The following LAMC1 variants were observed in gnomAD, a reference collection of about 807,000 sequenced individuals.
LAMC1 encodes the protein laminin subunit gamma 1, also known as laminin subunit gamma-1.
In LAMC1, 38 loss-of-function variants were observed where a neutral mutation model predicts 173.6. The observed-to-expected ratio is 0.22, with a 90% CI of 0.17 to 0.29. The LOEUF (loss-of-function observed/expected upper bound fraction) is 0.29. Ranked by LOEUF, LAMC1 falls within the 10% of genes least tolerant of loss-of-function variation. The pLI is 1.00. For missense variants in LAMC1, 1,824 were observed against 2,051.8 expected (o/e 0.89, Z 2.14); for synonymous variants, 746 against 749.1 (o/e 1.00, Z 0.07).
intron 1 of LAMC1, among the ~76,000 whole-genome samples, chr1:183,062,704 C>T (rs1654772186): frequency 6.6e-6 from 1 of 152,066 alleles, no homozygotes; most frequent in African/African-American, 2.4e-5. Flanking sequence ...GTAATCCTAG[C>T]ACTTTGGGAG....
intron 1 of LAMC1, among the ~76,000 whole-genome samples, chr1:183,102,619 T>C (rs1279173068): frequency 6.6e-6 from 1 of 152,242 alleles, no homozygotes; most frequent in Non-Finnish European, 1.5e-5. Flanking sequence ...GACTGCTGTC[T>C]TTTCCTCTCT....
At chr1:183,058,195 G>T (rs1392324576) in intron 1 of LAMC1, among the ~76,000 whole-genome samples, 1 of 152,178 alleles carries the variant, frequency 6.6e-6, no homozygotes, top group Non-Finnish European at 1.5e-5. Flanking sequence ...GGCAATTTAA[G>T]GATTTTATCT....
At position 183,103,440 on chromosome 1, in the gene LAMC1, C is replaced by T. The variant is rs750076949; in HGVS notation, c.531C>T (p.Tyr177=). The T allele has an allele frequency of 1.2e-5, 20 of 1,614,164 alleles. No individual in the cohort carries two copies. In the South Asian group the frequency reaches 2.0e-4, roughly 16 times the overall value. The change falls in exon 2 of 28, where the codon TAC becomes TAT. Residue 177 remains tyrosine (Y), a synonymous_variant. Coordinates refer to ENST00000258341, the MANE Select transcript of LAMC1 (RefSeq NM_002293.4). The part of the protein sequence containing the change: ...REDGPWIPYQ[Y]YSGSCENTYS... ...ACGGGCCCTGGATTCCTTACCAGTA[C>T]TACAGTGGTTCCTGTGAGAACACCT...
intron 1 of LAMC1, among the ~76,000 whole-genome samples, chr1:183,064,786 A>G (rs1392131624): frequency 2.6e-5 from 4 of 152,230 alleles, no homozygotes; most frequent in Admixed American, 6.5e-5. Context: ...TGTTTATTCA[A>G]TGAATTTGTA....
chr1:183,093,337 G>C (rs1001160777), intron 1 of LAMC1, among the ~76,000 whole-genome samples: 1 of 152,076 alleles, frequency 6.6e-6, no homozygotes, highest in African/African-American at 2.4e-5. Flanking sequence ...CATTTCAGGA[G>C]TATATGACAA....
intron 1 of LAMC1, among the ~76,000 whole-genome samples, chr1:183,087,170 C>G (rs749773449): frequency 6.6e-6 from 1 of 152,136 alleles, no homozygotes; most frequent in Non-Finnish European, 1.5e-5. Context: ...CTTCAGTACT[C>G]AGCCTATTGC....
At chr1:183,086,164 G>A (rs539793084) in intron 1 of LAMC1, among the ~76,000 whole-genome samples, 9 of 152,308 alleles carry the variant, frequency 5.9e-5, no homozygotes, top group South Asian at 4.1e-4. Context: ...TGGAAAGAAG[G>A]AAAGTAAGGA....
chr1:183,024,346 T>A (rs1244392211), intron 1 of LAMC1, among the ~76,000 whole-genome samples: 1 of 152,244 alleles, frequency 6.6e-6, no homozygotes, highest in African/African-American at 2.4e-5. Flanking sequence ...CGCACGAGTC[T>A]CTCTGCTTTC....
intron 1 of LAMC1, among the ~76,000 whole-genome samples, chr1:183,086,941 A>C (rs1655444324): frequency 6.6e-6 from 1 of 152,242 alleles, no homozygotes; most frequent in Non-Finnish European, 1.5e-5. Context: ...AATCTAACAG[A>C]TAAGATGGTA....
At chr1:183,053,613 C>T (rs1654496762) in intron 1 of LAMC1, among the ~76,000 whole-genome samples, 1 of 151,836 alleles carries the variant, frequency 6.6e-6, no homozygotes. Flanking sequence ...CCAAAACATT[C>T]ATAATGAAAG....
intron 18 of LAMC1, 135 bp downstream of exon 18, chr1:183,128,885 A>G (rs796875301): frequency 3.2e-6 from 2 of 629,376 alleles, no homozygotes; most frequent in South Asian, 1.3e-4. Context: ...AAATCATTTC[A>G]TTTTTTAAAC....
At chr1:183,127,847 G>A (rs575798888) in intron 17 of LAMC1, among the ~76,000 whole-genome samples, 1 of 152,218 alleles carries the variant, frequency 6.6e-6, no homozygotes, top group African/African-American at 2.4e-5. Flanking sequence ...GGTTATATGG[G>A]AACATGATGA....
intron 26 of LAMC1, chr1:183,138,303 G>T (rs1447606290): frequency 3.5e-6 from 2 of 569,368 alleles, no homozygotes; most frequent in East Asian, 2.9e-4. Context: ...TTCACGTTTT[G>T]TGATAATGTG....
At chr1:183,035,161 T>A (rs769080591) in intron 1 of LAMC1, among the ~76,000 whole-genome samples, 35 of 152,208 alleles carry the variant, frequency 2.3e-4, no homozygotes, top group Non-Finnish European at 1.8e-4. Context: ...GGCTTTACAC[T>A]TAAGAACAGA....
At chr1:183,064,048 A>C (rs902650750) in intron 1 of LAMC1, among the ~76,000 whole-genome samples, 7 of 152,236 alleles carry the variant, frequency 4.6e-5, no homozygotes. Flanking sequence ...ATTGTGAAGC[A>C]AAGTGGGTAA....
chr1:183,058,990 G>T (rs1311058538), intron 1 of LAMC1, among the ~76,000 whole-genome samples: 1 of 152,300 alleles, frequency 6.6e-6, no homozygotes, highest in East Asian at 1.9e-4. Context: ...GGGAAAAAAC[G>T]TCTCACAGAA....
In LAMC1 at chr1:183,049,804, C is replaced by T. The variant is rs550435672; in HGVS notation, c.418+25670C>T. On this transcript the variant is annotated intron_variant, in intron 1 of 27. Transcript: ENST00000258341. Reference sequence around the variant, plus strand: ...CTTATCTCCTTAAATACCATACTCTCCCATTCTCACCAAACTAAAACAAAA... The same window carrying T: ...CTTATCTCCTTAAATACCATACTCTTCCATTCTCACCAAACTAAAACAAAA... 1.7e-4 allele frequency among the ~76,000 whole-genome samples: 25 copies of T among 145,120 alleles called. No individual in the cohort carries two copies. The East Asian group carries it at 4.7e-3, about 27-fold the overall frequency.
At position 183,117,125 on chromosome 1, in the gene LAMC1, A is replaced by G. The variant is rs367713134; in HGVS notation, c.1565-195A>G. The G allele has an allele frequency of 9.8e-4, 667 of 677,776 alleles. 4 individuals carry two copies. The Middle Eastern group carries it at 0.017, about 18-fold the overall frequency. The allele number at this position is 677,776 out of a possible 1,614,324, so 42.0% of individuals were successfully genotyped here. A position where few individuals can be genotyped will look rare whatever the true frequency, so the allele number is the denominator to read the frequency against. Reference sequence around the variant, plus strand: ...AATGGTGATTACAAATGTTATATAAATAGTAATAAAGTAAAATATAGTTTG... The same window carrying G: ...AATGGTGATTACAAATGTTATATAAGTAGTAATAAAGTAAAATATAGTTTG... On this transcript the variant is annotated intron_variant, in intron 8 of 27. Coordinates refer to ENST00000258341, the MANE Select transcript of LAMC1 (RefSeq NM_002293.4).
intron 1 of LAMC1, among the ~76,000 whole-genome samples, chr1:183,053,533 G>A (rs1267946415): frequency 6.6e-6 from 1 of 151,604 alleles, no homozygotes; most frequent in Non-Finnish European, 1.5e-5. Flanking sequence ...TGAGAGAATT[G>A]GTGTTCTTAG....
Sources: allele counts gnomAD v4.1 joint callset (sites outside exome capture counted in the v4.1 genomes callset), GRCh38; gene constraint gnomAD v4.1.1; transcripts MANE v1.5; gene names NCBI Gene and HGNC (gene_info 2026-07-23, HGNC 2026-07-21).